Variants in ACTN4 observed in about 807,000 individuals in gnomAD.
The protein encoded by ACTN4 is alpha-actinin-4.
A neutral mutation model predicts 114.2 loss-of-function variants in ACTN4; 18 were observed. The observed-to-expected ratio is 0.16, with a 90% CI of 0.11 to 0.23. The LOEUF is 0.23. Among genes scored for constraint, ACTN4 ranks in the 10% least tolerant of loss-of-function variants. The pLI is 1.00. For missense variants in ACTN4, 722 were observed against 1,262.9 expected (o/e 0.57, Z 6.49); for synonymous variants, 515 against 506.3 (o/e 1.02, Z -0.23).
chr19:38,725,679 G>A (rs759633746), intron 16 of ACTN4, 45 bp from the exon 17 acceptor site: 3 of 1,598,066 alleles, frequency 1.9e-6, no homozygotes, highest in African/African-American at 1.3e-5. Flanking sequence ...GTCAGTGGGG[G>A]CAGGCCCACC....
intron 1 of ACTN4, among the ~76,000 whole-genome samples, chr19:38,683,288 G>A (rs1967635187): frequency 6.6e-6 from 1 of 152,134 alleles, no homozygotes; most frequent in Non-Finnish European, 1.5e-5. Context: ...GTTCCGTGCT[G>A]GCTTGAAAGG....
Position 38,709,234 on chromosome 19 carries a change from G to A in ACTN4, c.652-161G>A, listed in dbSNP as rs1968560378. The stretch of plus-strand genomic sequence containing the variant: ...GAGTGGGAATTGAATTTATCCAGGC[G>A]GTGCCCTCCCGCTCACACATCACAC... On this transcript the variant is annotated intron_variant, in intron 6 of 20. Transcript: ENST00000252699. Among the ~76,000 whole-genome samples, 2 of 152,258 alleles carry A rather than the reference G, an allele frequency of 1.3e-5. 1 individual carries two copies. Among genetic ancestry groups the A allele is most frequent in the Middle Eastern group, 6.8e-3 (2 of 294 alleles).
At chr19:38,711,440 C>T (rs1968650769) in intron 8 of ACTN4, 5 of 740,974 alleles carry the variant, frequency 6.7e-6, no homozygotes, top group Non-Finnish European at 8.3e-6. Flanking sequence ...CGCTGGCCAT[C>T]TGTGGTTGGA....
rs1201350359 is a variant in ACTN4 at position 38,668,825 on chromosome 19, C to T, written c.162+20918C>T. 5.3e-5 allele frequency among the ~76,000 whole-genome samples: 8 copies of T among 152,290 alleles called. No homozygotes were observed. The South Asian group carries it at 1.5e-3, about 28-fold the overall frequency. ...ACTGAAGTAAACCCATTGACTTCGC[C>T]TTCATGGGTTTGAAAAGGGTTTTTC... is the stretch of plus-strand genomic sequence containing the variant. On this transcript the variant is annotated intron_variant, in intron 1 of 20. Coordinates refer to ENST00000252699, the MANE Select transcript of ACTN4 (RefSeq NM_004924.6).
In ACTN4 at chr19:38,673,637, TTA is replaced by T. The variant is rs1258704932; in HGVS notation, c.162+25738_162+25739del. ...TATATTTATATATATTCATATATAT[TTA>T]TATATATTTATATATTTATATATAT... is the stretch of plus-strand genomic sequence containing the variant. On this transcript the variant is annotated intron_variant, in intron 1 of 20. Transcript: ENST00000252699. 1.6e-4 allele frequency among the ~76,000 whole-genome samples: 7 copies of T among 44,432 alleles called. 1 individual carries two copies. The highest frequency in any genetic ancestry group is 6.3e-4 in the South Asian group (1 of 1,598). 29.1% of individuals were successfully genotyped at this position (44,432 alleles called of 152,430 possible).
chr19:38,727,167 C>T lies in ACTN4; in HGVS notation c.2337+64C>T, dbSNP rs2077281653. 2.5e-6 allele frequency: 4 copies of T among 1,610,936 alleles called. No homozygotes were observed. Among genetic ancestry groups the T allele is most frequent in the South Asian group, 1.1e-5 (1 of 90,876 alleles). On this transcript the variant is annotated intron_variant, in intron 18 of 20. Coordinates refer to ENST00000252699, the MANE Select transcript of ACTN4 (RefSeq NM_004924.6). The surrounding 1 kb of genome is among the most constrained non-coding windows in gnomAD (Gnocchi z 5.4). ...CCGTTGCCGTACCAGCCCACACCTT[C>T]GTCTCTGCATCTGTTCGTCCATTCC...
intron 11 of ACTN4, among the ~76,000 whole-genome samples, chr19:38,718,698 A>T (rs561344212): frequency 6.6e-6 from 1 of 152,214 alleles, no homozygotes; most frequent in African/African-American, 2.4e-5. Flanking sequence ...CACTTCAGGG[A>T]AGTGACCTTA....
intron 1 of ACTN4, among the ~76,000 whole-genome samples, chr19:38,668,055 C>A (rs975572539): frequency 1.3e-5 from 2 of 152,138 alleles, no homozygotes; most frequent in Non-Finnish European, 2.9e-5. Context: ...TACAAATAAA[C>A]CCTGGGTGAT....
At chr19:38,647,958 C>A in intron 1 of ACTN4, 51 bp downstream of exon 1, 1 of 621,738 alleles carries the variant, frequency 1.6e-6, no homozygotes, top group Non-Finnish European at 2.1e-6. Flanking sequence ...TGAGGGGGCC[C>A]GGGGAGGGGT....
intron 5 of ACTN4, among the ~76,000 whole-genome samples, chr19:38,706,945 A>G (rs6508814): frequency 0.68 from 103,561 of 152,058 alleles, 36,119 homozygotes; most frequent in South Asian, 0.84. Flanking sequence ...GGCAAGAGGC[A>G]GGCCTGCCTG....
chr19:38,714,480 C>T lies in ACTN4; in HGVS notation c.831C>T (p.Ala277=), dbSNP rs773662358. The change falls in exon 9 of 21, where the codon GCC becomes GCT. Residue 277 remains alanine (A), a synonymous_variant. Coordinates refer to ENST00000252699, the MANE Select transcript of ACTN4 (RefSeq NM_004924.6). ...AFSGAQKAET[A]ANRICKVLAV... ...GTGCTCCCCTCCAGGCTGAAACTGC[C>T]GCCAACCGGATCTGTAAGGTGCTGG... 54 of 1,613,562 alleles carry T rather than the reference C, an allele frequency of 3.3e-5. No homozygotes were observed. The highest frequency in any genetic ancestry group is 3.6e-5 in the Non-Finnish European group (43 of 1,179,998).
intron 1 of ACTN4, among the ~76,000 whole-genome samples, chr19:38,688,938 C>T (rs891418302): frequency 9.2e-5 from 14 of 152,106 alleles, no homozygotes; most frequent in Non-Finnish European, 2.9e-5. Flanking sequence ...TTAGTAGAGA[C>T]GGGGTTTCAC....
In ACTN4 at chr19:38,706,031, G is replaced by C. The variant is rs779935779; in HGVS notation, c.485-13G>C. ...TTTTGAGCCAGTGCTCACTGTCTTT[G>C]TGTGTTTTGCAGAGACCTCGGCCAA... On this transcript the variant is annotated splice_polypyrimidine_tract_variant and intron_variant, in intron 4 of 20. Transcript: ENST00000252699. The C allele has an allele frequency of 6.2e-7, 1 of 1,613,886 alleles. No individual in the cohort carries two copies. Among genetic ancestry groups the C allele is most frequent in the South Asian group, 1.1e-5 (1 of 91,066 alleles).
At chr19:38,710,761 A>T in intron 8 of ACTN4, 1 of 333,608 alleles carries the variant, frequency 3.0e-6, no homozygotes, top group Non-Finnish European at 5.9e-6. Context: ...GAGCTGCTAG[A>T]TGCAGGCTGG....
chr19:38,689,946 A>G (rs550861344), intron 1 of ACTN4, among the ~76,000 whole-genome samples: 18 of 152,226 alleles, frequency 1.2e-4, no homozygotes, highest in Non-Finnish European at 2.5e-4. Context: ...TAGCTGGGGA[A>G]GGTGATCGCA....
intron 3 of ACTN4, among the ~76,000 whole-genome samples, chr19:38,702,979 C>T (rs1015822851): frequency 7.2e-5 from 11 of 152,158 alleles, no homozygotes; most frequent in Non-Finnish European, 1.3e-4. Context: ...AGCCCTTCCC[C>T]GAGAGTGCTT....
At chr19:38,663,583 G>T (rs1357998977) in intron 1 of ACTN4, among the ~76,000 whole-genome samples, 1 of 152,322 alleles carries the variant, frequency 6.6e-6, no homozygotes, top group South Asian at 2.1e-4. Context: ...AGGAGGGGCG[G>T]GCCTTTGCCC....
Position 38,727,098 on chromosome 19 carries a change from G to A in ACTN4, c.2332G>A (p.Asp778Asn). 1 of 1,613,918 alleles carries A rather than the reference G, an allele frequency of 6.2e-7. No homozygotes were observed. Among genetic ancestry groups the A allele is most frequent in the Non-Finnish European group, 8.5e-7 (1 of 1,179,994 alleles). The change falls in exon 18 of 21, where the codon GAC becomes AAC. Residue 778 changes from aspartate to asparagine, a missense_variant. This residue lies in a region of ACTN4 where 523 missense variants were observed against 875.9 expected (regional missense o/e 0.60). Transcript: ENST00000252699. The surrounding 1 kb of genome is among the most constrained non-coding windows in gnomAD (Gnocchi z 5.4). Reference sequence around the variant, plus strand: ...GTTCCGGGCGTCCTTCAACCACTTCGACAAGGTGAGCAGCCTGCCACCTCC... The same window carrying A: ...GTTCCGGGCGTCCTTCAACCACTTCAACAAGGTGAGCAGCCTGCCACCTCC... ...QEFRASFNHF[D>N]KDHGGALGPE...
chr19:38,685,207 G>A (rs908499418), intron 1 of ACTN4, among the ~76,000 whole-genome samples: 1 of 152,170 alleles, frequency 6.6e-6, no homozygotes, highest in Non-Finnish European at 1.5e-5. Flanking sequence ...GCCTCCCAAA[G>A]TGCTAGGATT....
Sources: allele counts gnomAD v4.1 joint callset (sites outside exome capture counted in the v4.1 genomes callset), GRCh38; gene constraint gnomAD v4.1.1; regional missense constraint gnomAD v4.1.1; non-coding constraint Gnocchi (gnomAD v3.1); transcripts MANE v1.5; gene names NCBI Gene and HGNC (gene_info 2026-07-23, HGNC 2026-07-21).